Variants in VPS13C observed in about 807,000 individuals in gnomAD.
VPS13C encodes intermembrane lipid transfer protein VPS13C.
VPS13C carries 358 observed loss-of-function variants against 456.8 expected under a neutral mutation model. The ratio of observed to expected loss-of-function variants is 0.78; its 90% confidence interval spans 0.72 to 0.86. VPS13C has a LOEUF of 0.86. Ranked by LOEUF, VPS13C falls within the 40% of genes least tolerant of loss-of-function variation. The pLI, the probability that VPS13C is intolerant of heterozygous loss-of-function variation, is 0.00. For synonymous variants in VPS13C, 1,578 were observed against 1,486.7 expected (o/e 1.06, Z -1.41); for missense variants, 4,818 against 4,385.4 (o/e 1.10, Z -2.79).
At chr15:62,024,347 T>C (rs2047561667) in intron 6 of VPS13C, among the ~76,000 whole-genome samples, 1 of 152,066 alleles carries the variant, frequency 6.6e-6, no homozygotes, top group Non-Finnish European at 1.5e-5. Context: ...CTCAAGGATA[T>C]AAAGAACATT....
chr15:61,912,007 G>A lies in VPS13C; in HGVS notation c.8551-3C>T, dbSNP rs1468106120. On this transcript the variant is annotated splice_region_variant and splice_polypyrimidine_tract_variant and intron_variant, in intron 62 of 84. Transcript: ENST00000644861. ...CTCATTTTGATGCTAACACCAACCT[G>A]TGGAAAGGAAAAAAGCTTATTTTCC... 1.9e-6 allele frequency: 3 copies of A among 1,567,304 alleles called. No homozygotes were observed. Among genetic ancestry groups the A allele is most frequent in the African/African-American group, 1.4e-5 (1 of 73,580 alleles).
rs547045562 is a variant in VPS13C, at chr15:62,017,862, T to TA, written c.684+2616dup. Among the ~76,000 whole-genome samples the TA allele has an allele frequency of 3.4e-3, 514 of 152,340 alleles. 7 individuals carry two copies. Among genetic ancestry groups the TA allele is most frequent in the African/African-American group, 0.012 (488 of 41,572 alleles). ...CTTGATGGGGATGGCACTGAATCTA[T>TA]AAATTATCTTGGGCAGTATGGCCAT... On this transcript the variant is annotated intron_variant, in intron 9 of 84. Transcript: ENST00000644861.
At chr15:61,996,902 T>C (rs913957589) in intron 16 of VPS13C, among the ~76,000 whole-genome samples, 2 of 150,334 alleles carry the variant, frequency 1.3e-5, no homozygotes, top group South Asian at 2.1e-4. Flanking sequence ...CACACATATA[T>C]ATATATTACA....
intron 1 of VPS13C, among the ~76,000 whole-genome samples, chr15:62,048,206 T>C (rs1310816505): frequency 6.6e-6 from 1 of 151,436 alleles, no homozygotes; most frequent in Non-Finnish European, 1.5e-5. Flanking sequence ...CTGCACCCAT[T>C]AACTCGTCAT....
chr15:61,906,764 A>G (rs2043163984), intron 66 of VPS13C: 1 of 166,306 alleles, frequency 6.0e-6, no homozygotes, highest in Non-Finnish European at 1.3e-5. Flanking sequence ...TCAGAGGCTA[A>G]GAGTCTAAAA....
At chr15:62,012,916 C>T (rs2047096942) in intron 11 of VPS13C, 123 bp downstream of exon 11, 2 of 550,884 alleles carry the variant, frequency 3.6e-6, no homozygotes, top group South Asian at 3.9e-5. Flanking sequence ...TTTCATATTT[C>T]TGATTTAGTG....
intron 67 of VPS13C, among the ~76,000 whole-genome samples, chr15:61,886,661 C>T (rs1250763543): frequency 3.3e-5 from 5 of 152,100 alleles, no homozygotes; most frequent in African/African-American, 9.7e-5. Flanking sequence ...TGTACAAAAA[C>T]AGGCATTGGG....
At position 62,012,170 on chromosome 15, in the gene VPS13C, CA is replaced by C; in HGVS notation, c.826-7del. On this transcript the variant is annotated splice_polypyrimidine_tract_variant and splice_region_variant and intron_variant, in intron 11 of 84. Transcript: ENST00000644861. The stretch of plus-strand genomic sequence containing the variant: ...ATTTCATTTTTCAGCTGATCCTAAA[CA>C]AAAAATTTGAATGAGAATGAAAAAG... The C allele has an allele frequency of 6.6e-7, 1 of 1,521,970 alleles. No homozygotes were observed. Among genetic ancestry groups the C allele is most frequent in the Non-Finnish European group, 9.0e-7 (1 of 1,104,986 alleles). 94.3% of individuals were successfully genotyped at this position (1,521,970 alleles called of 1,614,324 possible).
At position 61,984,990 on chromosome 15, in the gene VPS13C, G is replaced by A. The variant is rs1437936069; in HGVS notation, c.1588C>T (p.His530Tyr). 1.9e-6 allele frequency: 3 copies of A among 1,570,028 alleles called. No individual in the cohort carries two copies. The highest frequency in any genetic ancestry group is 1.4e-5 in the African/African-American group (1 of 72,486). The change falls in exon 19 of 85, where the codon CAT (histidine) becomes TAT (tyrosine). Residue 530 changes from histidine to tyrosine, a missense_variant. His to Tyr is a moderately conservative substitution (Grantham distance 83). Around this residue, in one of 3 missense-constraint regions of VPS13C, gnomAD observed 4,552 missense variants for 4,130.6 expected, o/e 1.10. Coordinates refer to ENST00000644861, the MANE Select transcript of VPS13C (RefSeq NM_020821.3). ...CTTACTAACTTCAGGGTCATAATAT[G>A]GGCAACATACTATACAGAAAGAATG... ...NLTLPKQYVA[H>Y]IMTLKLVSTS...
intron 5 of VPS13C, among the ~76,000 whole-genome samples, chr15:62,032,160 T>C (rs1323843744): frequency 1.3e-5 from 2 of 151,776 alleles, no homozygotes; most frequent in Non-Finnish European, 3.0e-5. Flanking sequence ...CTGAATAGTT[T>C]CAAGAAAAAG....
At position 61,978,651 on chromosome 15, in the gene VPS13C, A is replaced by T. The variant is rs774803427; in HGVS notation, c.2265T>A (p.Asn755Lys). 1.2e-6 allele frequency: 2 copies of T among 1,611,820 alleles called. No individual in the cohort carries two copies. Among genetic ancestry groups the T allele is most frequent in the Admixed American group, 3.4e-5 (2 of 59,684 alleles). Residue 755 changes from asparagine (N) to lysine (K), a missense_variant, in exon 23 of 85, where the codon AAT becomes AAA. By Grantham distance (94) the Asn-to-Lys change is moderately conservative. Around this residue, in one of 3 missense-constraint regions of VPS13C, gnomAD observed 4,552 missense variants for 4,130.6 expected, o/e 1.10. Coordinates refer to ENST00000644861, the MANE Select transcript of VPS13C (RefSeq NM_020821.3). ...CTGCTCTTGCAAAAAGTAGTTGTAC[A>T]TTTTTTATTTCAACATCAAACTTGT... is the stretch of plus-strand genomic sequence containing the variant. ...AYDKFDVEIK[N>K]VQLLFARAEE... is the part of the protein sequence containing the mutation.
rs1023326914 is a variant in VPS13C at position 61,899,509 on chromosome 15, T to C, written c.9105+7755A>G. ...CTCTATGCAAATAAACTAGAAAATC[T>C]AGAAGAAATGGATAAATTCCTCGAC... is the stretch of plus-strand genomic sequence containing the variant. On this transcript the variant is annotated intron_variant, in intron 66 of 84. Transcript: ENST00000644861. 2.6e-5 allele frequency among the ~76,000 whole-genome samples: 4 copies of C among 152,118 alleles called. No individual in the cohort carries two copies. In the East Asian group the frequency reaches 7.7e-4, roughly 29 times the overall value.
intron 8 of VPS13C, among the ~76,000 whole-genome samples, chr15:62,023,056 G>A (rs931985550): frequency 2.0e-5 from 3 of 151,882 alleles, no homozygotes; most frequent in Non-Finnish European, 4.4e-5. Context: ...ATTATCATTA[G>A]TTATTCATCA....
rs781371257 is a variant in VPS13C at position 62,008,758 on chromosome 15, A to C, written c.1015T>G (p.Leu339Val). 3 of 1,562,134 alleles carry C rather than the reference A, an allele frequency of 1.9e-6. No individual in the cohort carries two copies. Among genetic ancestry groups the C allele is most frequent in the Non-Finnish European group, 2.6e-6 (3 of 1,150,968 alleles). The change falls in exon 14 of 85, where the codon TTA (leucine) becomes GTA (valine). Residue 339 changes from leucine (L) to valine (V), a missense_variant. Leu to Val is a conservative substitution (Grantham distance 32, BLOSUM62 1). Around this residue, in one of 3 missense-constraint regions of VPS13C, gnomAD observed 4,552 missense variants for 4,130.6 expected, o/e 1.10. Transcript: ENST00000644861. Reference protein sequence around the residue: ...IAIELTKPQYLSMIDLLESVD... With the variant: ...IAIELTKPQYVSMIDLLESVD... The stretch of plus-strand genomic sequence containing the variant: ...GACTCCAAAAGGTCAATCATACTTA[A>C]GTACTGTTAAAACAAAAATAAAATT...
At chr15:61,933,595 A>T (rs2044131810) in intron 49 of VPS13C, among the ~76,000 whole-genome samples, 1 of 152,104 alleles carries the variant, frequency 6.6e-6, no homozygotes. Context: ...TATTATAGGT[A>T]TTAATGTATG....
intron 67 of VPS13C, among the ~76,000 whole-genome samples, chr15:61,887,903 T>C (rs1242502169): frequency 6.6e-6 from 1 of 151,748 alleles, no homozygotes; most frequent in African/African-American, 2.4e-5. Context: ...GTTGAGAGAA[T>C]AAAAAGATAA....
chr15:61,902,684 A>C (rs1301739781), intron 66 of VPS13C, among the ~76,000 whole-genome samples: 2 of 152,202 alleles, frequency 1.3e-5, no homozygotes, highest in African/African-American at 4.8e-5. Flanking sequence ...CTAGGCACAG[A>C]AGGAACGTAT....
At position 61,973,499 on chromosome 15, in the gene VPS13C, T is replaced by G. The variant is rs200738889; in HGVS notation, c.2572A>C (p.Lys858Gln). ...SSIPIISGGTKGLLGTSLLLD... is the reference protein window; with the variant it reads ...SSIPIISGGTQGLLGTSLLLD... ...AATAGTGAAGTACCAAGTAGACCTTTTGTACCACCTGAAATAATAGGAATT... is the reference window on the plus strand; with the variant it reads ...AATAGTGAAGTACCAAGTAGACCTTGTGTACCACCTGAAATAATAGGAATT... Residue 858 changes from lysine to glutamine, a missense_variant, in exon 26 of 85, where the codon AAA becomes CAA. Lys to Gln is a moderately conservative substitution (Grantham distance 53). This residue lies in a region of VPS13C where 4,552 missense variants were observed against 4,130.6 expected (regional missense o/e 1.10). Coordinates refer to ENST00000644861, the MANE Select transcript of VPS13C (RefSeq NM_020821.3). 13 of 1,612,702 alleles carry G rather than the reference T, an allele frequency of 8.1e-6. No individual in the cohort carries two copies. The highest frequency in any genetic ancestry group is 1.1e-5 in the Non-Finnish European group (13 of 1,179,116).
intron 9 of VPS13C, among the ~76,000 whole-genome samples, chr15:62,015,568 C>T (rs2047205997): frequency 2.7e-5 from 4 of 147,418 alleles, no homozygotes; most frequent in Admixed American, 6.8e-5. Flanking sequence ...AAATGTGGCA[C>T]ATATACACCA....
Sources: allele counts gnomAD v4.1 joint callset (sites outside exome capture counted in the v4.1 genomes callset), GRCh38; gene constraint gnomAD v4.1.1; regional missense constraint gnomAD v4.1.1; transcripts MANE v1.5; gene names NCBI Gene and HGNC (gene_info 2026-07-23, HGNC 2026-07-21).